Variants in KAZN observed in about 807,000 individuals in gnomAD.
KAZN encodes the protein kazrin.
In KAZN, 40 loss-of-function variants were observed where a neutral mutation model predicts 87.4. That is an observed-to-expected ratio of 0.46 (90% CI 0.36 to 0.60). The LOEUF (loss-of-function observed/expected upper bound fraction) is 0.60. Ranked by LOEUF, KAZN falls within the 20% of genes least tolerant of loss-of-function variation. The probability of loss-of-function intolerance (pLI) is 0.00; values close to 1 mark genes in which losing one functional copy is unlikely to be tolerated. For missense variants in KAZN, 898 were observed against 1,073.9 expected, an observed-to-expected ratio of 0.84 and a Z score of 2.29; for synonymous variants, 466 against 458.3, an observed-to-expected ratio of 1.02 and a Z score of -0.22.
intron 1 of KAZN, among the ~76,000 whole-genome samples, chr1:14,883,349 A>AGGAAG (rs1376505493): frequency 2.6e-5 from 1 of 38,090 alleles, no homozygotes; most frequent in African/African-American, 8.1e-5. Flanking sequence ...AGAGAAAGAA[A>AGGAAG]GAAAGAAAAG....
At chr1:13,995,488 G>GT (rs1012257595) in intron 1 of KAZN, among the ~76,000 whole-genome samples, 1 of 152,088 alleles carries the variant, frequency 6.6e-6, no homozygotes. Context: ...TCTAACAAGA[G>GT]TTTTTTTCTG....
chr1:14,420,981 G>A (rs1384626673), intron 2 of KAZN, among the ~76,000 whole-genome samples: 1 of 151,160 alleles, frequency 6.6e-6, no homozygotes, highest in African/African-American at 2.4e-5. Context: ...GGCTCCCACA[G>A]TGCAGCGGTG....
chr1:14,032,578 C>G (rs1173946678), intron 1 of KAZN, among the ~76,000 whole-genome samples: 1 of 152,178 alleles, frequency 6.6e-6, no homozygotes, highest in Non-Finnish European at 1.5e-5. Context: ...AGGTTCCTGA[C>G]TTTTTCCTCT....
intron 1 of KAZN, among the ~76,000 whole-genome samples, chr1:14,639,975 G>A (rs965186533): frequency 6.6e-6 from 1 of 152,154 alleles, no homozygotes; most frequent in African/African-American, 2.4e-5. Context: ...TTCTCCCTGC[G>A]GCATGATGGT....
At chr1:14,830,570 A>G (rs1450737819) in intron 1 of KAZN, among the ~76,000 whole-genome samples, 1 of 152,196 alleles carries the variant, frequency 6.6e-6, no homozygotes, top group Non-Finnish European at 1.5e-5. Context: ...AGGCTGTACA[A>G]GAGGCACGGC....
chr1:14,883,354 G>GAAAAGAAAGAAAGAAAGA lies in KAZN; in HGVS notation c.227-77327_227-77310dup, dbSNP rs1653617705. Among the ~76,000 whole-genome samples, 2 of 16,206 alleles carry GAAAAGAAAGAAAGAAAGA rather than the reference G, an allele frequency of 1.2e-4. 1 individual carries two copies. Among genetic ancestry groups the GAAAAGAAAGAAAGAAAGA allele is most frequent in the African/African-American group, 4.6e-4 (2 of 4,324 alleles). The allele number at this position is 16,206 out of a possible 152,430, so 10.6% of individuals were successfully genotyped here. A position where few individuals can be genotyped will look rare whatever the true frequency, so the allele number is the denominator to read the frequency against. On this transcript the variant is annotated intron_variant, in intron 1 of 14. Coordinates refer to ENST00000376030, the MANE Select transcript of KAZN (RefSeq NM_201628.3). Reference sequence around the variant, plus strand: ...AGAGAGAGAGAGAGAAAGAAAGAAAGAAAAGAAAGAAAGAAAGAAAGAAAG... The same window carrying GAAAAGAAAGAAAGAAAGA: ...AGAGAGAGAGAGAGAAAGAAAGAAAGAAAAGAAAGAAAGAAAGAAAAAGAAAGAAAGAAAGAAAGAAAG...
chr1:14,301,041 A>G (rs2100779417), intron 2 of KAZN, among the ~76,000 whole-genome samples: 1 of 152,260 alleles, frequency 6.6e-6, no homozygotes, highest in African/African-American at 2.4e-5. Flanking sequence ...GATTGGTGAA[A>G]TCCACATGTT....
chr1:14,850,736 A>C (rs80171486), intron 1 of KAZN, among the ~76,000 whole-genome samples: 1,622 of 152,178 alleles, frequency 0.011, 36 homozygotes, highest in African/African-American at 0.037. Context: ...GTTCCAGGAG[A>C]GGTTTCACCC....
chr1:14,747,653 A>G (rs1474106758), intron 1 of KAZN, among the ~76,000 whole-genome samples: 3 of 152,266 alleles, frequency 2.0e-5, no homozygotes, highest in Admixed American at 6.5e-5. Flanking sequence ...TGTTGTGAAT[A>G]ATGCTGTTAT....
intron 1 of KAZN, among the ~76,000 whole-genome samples, chr1:14,133,377 A>AAAAAAAAG (rs1553132989): frequency 1.4e-5 from 1 of 72,096 alleles, no homozygotes; most frequent in African/African-American, 7.3e-5. Flanking sequence ...AAAAAAAAAA[A>AAAAAAAAG]AAAGAAAGAA....
chr1:14,212,066 G>T (rs1379238590), intron 2 of KAZN, among the ~76,000 whole-genome samples: 1 of 152,096 alleles, frequency 6.6e-6, no homozygotes, highest in Non-Finnish European at 1.5e-5. Flanking sequence ...TCTTATGAAT[G>T]GTCCACGGCT....
intron 1 of KAZN, among the ~76,000 whole-genome samples, chr1:14,174,368 T>A (rs531441435): frequency 2.0e-5 from 3 of 152,298 alleles, no homozygotes; most frequent in South Asian, 4.1e-4. Flanking sequence ...AACGTGATGT[T>A]GCTCAGTAGC....
intron 2 of KAZN, among the ~76,000 whole-genome samples, chr1:14,185,795 T>C (rs1646291876): frequency 1.3e-5 from 2 of 152,200 alleles, no homozygotes; most frequent in Admixed American, 6.5e-5. Flanking sequence ...ATTGTAATAC[T>C]CTTGTTCTGT....
At position 14,713,242 on chromosome 1, in the gene KAZN, C is replaced by T. The variant is rs1306222690; in HGVS notation, c.226+114019C>T. 5.7e-5 allele frequency among the ~76,000 whole-genome samples: 7 copies of T among 123,230 alleles called. No homozygotes were observed. In the East Asian group the frequency reaches 8.6e-4, roughly 15 times the overall value. The allele number at this position is 123,230 out of a possible 152,430, so 80.8% of individuals were successfully genotyped here. On this transcript the variant is annotated intron_variant, in intron 1 of 14. Transcript: ENST00000376030. ...GAGAGGACAAGCTTAATTGCACAAG[C>T]GCTTTTTCAAGCCTCTGCTTGTTCC...
intron 1 of KAZN, among the ~76,000 whole-genome samples, chr1:14,140,003 G>A (rs1645202151): frequency 6.6e-6 from 1 of 151,360 alleles, no homozygotes; most frequent in Non-Finnish European, 1.5e-5. Flanking sequence ...AAGTAGGAAG[G>A]AGGAAAGTGG....
At chr1:14,512,162 T>C (rs552478495) in intron 2 of KAZN, among the ~76,000 whole-genome samples, 1 of 152,182 alleles carries the variant, frequency 6.6e-6, no homozygotes, top group East Asian at 1.9e-4. Flanking sequence ...GCACTTAGGA[T>C]GATTTGTGTG....
chr1:14,978,085 TTCTGGTCCAGGCGAACGC>T (rs1309383373), intron 2 of KAZN, among the ~76,000 whole-genome samples: 1 of 152,028 alleles, frequency 6.6e-6, no homozygotes, highest in East Asian at 1.9e-4. Flanking sequence ...AGGGCAGAGT[TTCTGGTCCAGGCGAACGC>T]TCCCTCCCCG....
chr1:13,907,831 A>T (rs1049032279), intron 1 of KAZN, among the ~76,000 whole-genome samples: 2 of 151,888 alleles, frequency 1.3e-5, no homozygotes, highest in Admixed American at 1.3e-4. Context: ...CCACCGCAAC[A>T]TTTTTTTTGG....
Position 14,087,994 on chromosome 1 carries a change from GTTT to G in KAZN, c.92-92429_92-92427del, listed in dbSNP as rs372871125. The stretch of plus-strand genomic sequence containing the variant: ...GAGTTGGGAAGTGTTCCCTCTTGCT[GTTT>G]TTTTTTTTTTTCTTGATGTATGATG... On this transcript the variant is annotated intron_variant, in intron 1 of 16. Transcript: ENST00000636203. Among the ~76,000 whole-genome samples the G allele has an allele frequency of 6.6e-3, 886 of 134,974 alleles. 9 individuals are homozygous for G. The South Asian group carries it at 0.072, about 11-fold the overall frequency. 88.5% of individuals were successfully genotyped at this position (134,974 alleles called of 152,430 possible).
Sources: gnomAD v4.1 joint callset for allele counts (sites outside exome capture counted in the v4.1 genomes callset) on GRCh38, gnomAD v4.1.1 for gene constraint, MANE v1.5 for transcripts, NCBI Gene and HGNC (gene_info 2026-07-23, HGNC 2026-07-21) for gene names.